The following STON2 variants were observed in gnomAD, a reference collection of about 807,000 sequenced individuals.
STON2 encodes the protein stonin 2.
In STON2, 29 loss-of-function variants were observed where a neutral mutation model predicts 65.7. The observed-to-expected ratio is 0.44, with a 90% CI of 0.33 to 0.60. STON2 has a LOEUF of 0.60. Among genes scored for constraint, STON2 ranks in the 20% least tolerant of loss-of-function variants. The pLI is 0.03. For synonymous variants in STON2, 404 were observed against 414.2 expected (o/e 0.98, Z 0.30); for missense variants, 1,054 against 1,118.1 (o/e 0.94, Z 0.82).
chr14:81,284,733 A>C (rs1393664391), intron 5 of STON2, among the ~76,000 whole-genome samples: 1 of 152,240 alleles, frequency 6.6e-6, no homozygotes, highest in Non-Finnish European at 1.5e-5. Flanking sequence ...CTAGGATGTT[A>C]ATAGCTAGAG....
rs898588544 is a variant in STON2 at position 81,262,753 on chromosome 14, G to A, written c.*5661C>T. 1 of 985,234 alleles carries A rather than the reference G, an allele frequency of 1.0e-6. No homozygotes were observed. The highest frequency in any genetic ancestry group is 1.2e-6 in the Non-Finnish European group (1 of 829,880). 61.0% of individuals were successfully genotyped at this position (985,234 alleles called of 1,614,324 possible). On this transcript the variant is annotated 3_prime_UTR_variant, in exon 8 of 8. Coordinates refer to ENST00000614646, the MANE Select transcript of STON2 (RefSeq NM_001394390.1). The stretch of plus-strand genomic sequence containing the variant: ...AGACTCTTTCCAGCAGATTTGCTAA[G>A]GCACACTAGAAGAAATGTAAAAATC...
chr14:81,316,236 C>T (rs1339873488), intron 5 of STON2, among the ~76,000 whole-genome samples: 2 of 152,200 alleles, frequency 1.3e-5, no homozygotes, highest in East Asian at 3.9e-4. Context: ...CATGTAAAAG[C>T]AGCACAGTCA....
intron 3 of STON2, among the ~76,000 whole-genome samples, chr14:81,394,222 A>C (rs1471034160): frequency 6.6e-6 from 1 of 152,210 alleles, no homozygotes; most frequent in Non-Finnish European, 1.5e-5. Flanking sequence ...TGATGTTCAA[A>C]TATGAAAAAA....
intron 4 of STON2, among the ~76,000 whole-genome samples, chr14:81,325,914 C>T (rs1158506747): frequency 2.0e-5 from 3 of 151,894 alleles, no homozygotes; most frequent in Non-Finnish European, 4.4e-5. Context: ...TGAATAGATA[C>T]TACACGTTTT....
At chr14:81,426,098 C>G (rs1467778727) in intron 2 of STON2, among the ~76,000 whole-genome samples, 1 of 152,168 alleles carries the variant, frequency 6.6e-6, no homozygotes, top group East Asian at 1.9e-4. Context: ...AGCCCTCACA[C>G]CTATGAGATG....
At chr14:81,336,933 C>G (rs893152527) in intron 4 of STON2, among the ~76,000 whole-genome samples, 1 of 152,118 alleles carries the variant, frequency 6.6e-6, no homozygotes, top group African/African-American at 2.4e-5. Context: ...AAGGTGGGAG[C>G]TACAGCAGTG....
intron 2 of STON2, among the ~76,000 whole-genome samples, chr14:81,420,195 A>G (rs772802657): frequency 4.6e-5 from 7 of 152,214 alleles, no homozygotes; most frequent in Non-Finnish European, 8.8e-5. Flanking sequence ...TGGCCGAATG[A>G]TTCAGTCCAG....
Position 81,262,036 on chromosome 14 carries a change from TATAAAC to T in STON2, c.*6372_*6377del. The T allele has an allele frequency of 7.3e-7, 1 of 1,365,322 alleles. No homozygotes were observed. The allele number at this position is 1,365,322 out of a possible 1,614,324, so 84.6% of individuals were successfully genotyped here. ...TTCAAAATTTAAATTTCTTGGTTCT[TATAAAC>T]ATAGGAAGAGTCACTGAAAGGTGGC... On this transcript the variant is annotated 3_prime_UTR_variant, in exon 8 of 8. Coordinates refer to ENST00000614646, the MANE Select transcript of STON2 (RefSeq NM_001394390.1).
Position 81,266,752 on chromosome 14 carries a change from T to C in STON2, c.*1662A>G, listed in dbSNP as rs1397887329. ...GAACCTCCATTTCTGTAAGGAAATA[T>C]TTCTCTATAAACTACCGTGAAACCA... On this transcript the variant is annotated 3_prime_UTR_variant, in exon 8 of 8. Coordinates refer to ENST00000614646, the MANE Select transcript of STON2 (RefSeq NM_001394390.1). 1 of 985,360 alleles carries C rather than the reference T, an allele frequency of 1.0e-6. No individual in the cohort carries two copies. The highest frequency in any genetic ancestry group is 1.2e-6 in the Non-Finnish European group (1 of 829,908). The allele number at this position is 985,360 out of a possible 1,614,324, so 61.0% of individuals were successfully genotyped here. A position where few individuals can be genotyped will look rare whatever the true frequency, so the allele number is the denominator to read the frequency against.
At chr14:81,356,449 G>A (rs1341345846) in intron 4 of STON2, among the ~76,000 whole-genome samples, 1 of 152,128 alleles carries the variant, frequency 6.6e-6, no homozygotes, top group East Asian at 1.9e-4. Context: ...TGTTCATCAA[G>A]GATATTGGTC....
chr14:81,375,795 A>C (rs1899225775), intron 3 of STON2, among the ~76,000 whole-genome samples: 1 of 151,772 alleles, frequency 6.6e-6, no homozygotes, highest in Non-Finnish European at 1.5e-5. Flanking sequence ...CTTGACATGA[A>C]GCAAGCTGGA....
chr14:81,410,440 T>C (rs751797926), intron 2 of STON2, among the ~76,000 whole-genome samples: 27 of 152,330 alleles, frequency 1.8e-4, no homozygotes, highest in South Asian at 1.5e-3. Context: ...TACTACTCAA[T>C]TGACCTTAAG....
In STON2 at chr14:81,265,746, C is replaced by A; in HGVS notation, c.*2668G>T. ...TAGATAGCATAGAAGGGATTTTTCC[C>A]AACTCTTGGTAAAAAAAACAAAAAA... On this transcript the variant is annotated 3_prime_UTR_variant, in exon 8 of 8. Transcript: ENST00000614646. The A allele has an allele frequency of 1.0e-6, 1 of 974,486 alleles. No homozygotes were observed. The highest frequency in any genetic ancestry group is 1.2e-6 in the Non-Finnish European group (1 of 823,038). 60.4% of individuals were successfully genotyped at this position (974,486 alleles called of 1,614,324 possible).
chr14:81,378,412 C>A (rs1051672882), intron 3 of STON2, among the ~76,000 whole-genome samples: 2 of 151,546 alleles, frequency 1.3e-5, no homozygotes, highest in Admixed American at 1.3e-4. Flanking sequence ...GATGGGGTTT[C>A]ACTATGTTTC....
At chr14:81,293,364 G>T (rs893411364) in intron 5 of STON2, among the ~76,000 whole-genome samples, 2 of 151,970 alleles carry the variant, frequency 1.3e-5, no homozygotes. Context: ...AGTAGAGATG[G>T]GGTTTCACTA....
intron 4 of STON2, among the ~76,000 whole-genome samples, chr14:81,356,025 C>A (rs1300841062): frequency 6.6e-6 from 1 of 152,124 alleles, no homozygotes; most frequent in Admixed American, 6.5e-5. Context: ...ATTGCCCTGG[C>A]CAGAACTTCC....
chr14:81,436,296 T>A (rs1281516378), intron 1 of STON2: 1 of 151,346 alleles, frequency 6.6e-6, no homozygotes, highest in Non-Finnish European at 1.5e-5. Flanking sequence ...GCTCGCCTCC[T>A]GCTGCGGGGC....
intron 1 of STON2, among the ~76,000 whole-genome samples, chr14:81,430,239 G>C (rs1902172965): frequency 6.6e-6 from 1 of 152,192 alleles, no homozygotes; most frequent in East Asian, 1.9e-4. Context: ...TTTGCCTACT[G>C]TTGGTCTCGC....
At chr14:81,300,006 T>C (rs1895910087) in intron 5 of STON2, among the ~76,000 whole-genome samples, 1 of 151,468 alleles carries the variant, frequency 6.6e-6, no homozygotes, top group Non-Finnish European at 1.5e-5. Context: ...ACCAAGACAA[T>C]CTCAAAGAAG....
Sources: gnomAD v4.1 joint callset for allele counts (sites outside exome capture counted in the v4.1 genomes callset) on GRCh38, gnomAD v4.1.1 for gene constraint, MANE v1.5 for transcripts, NCBI Gene and HGNC (gene_info 2026-07-23, HGNC 2026-07-21) for gene names.